IPO7: variants seen among roughly 807,000 people sequenced by gnomAD.
IPO7 encodes importin-7.
Under a neutral mutation model 136.4 loss-of-function variants are expected in IPO7, and 13 were observed. The observed-to-expected ratio is 0.10, with a 90% CI of 0.06 to 0.15. The LOEUF (loss-of-function observed/expected upper bound fraction) is 0.15. IPO7 is among the 10% of genes least tolerant of loss of function. IPO7 has a pLI of 1.00. For synonymous variants in IPO7, 403 were observed against 404.4 expected, an observed-to-expected ratio of 1.00 and a Z score of 0.04; for missense variants, 857 against 1,240.6, an observed-to-expected ratio of 0.69 and a Z score of 4.65.
In IPO7 at chr11:9,439,637, G is replaced by C. The variant is rs1252367411; in HGVS notation, c.2696-818G>C. ...TCTGTCGCCAAGCTGGAGTGCAATG[G>C]CAATCTTGGCTCACTGCAACCTCCG... is the stretch of plus-strand genomic sequence containing the variant. On this transcript the variant is annotated intron_variant, in intron 22 of 24. Transcript: ENST00000379719. Among the ~76,000 whole-genome samples the C allele has an allele frequency of 2.0e-5, 3 of 151,508 alleles. No homozygotes were observed. The East Asian group carries it at 5.8e-4, about 30-fold the overall frequency.
At chr11:9,437,600 A>G (rs1416548995) in intron 20 of IPO7, among the ~76,000 whole-genome samples, 154 bp from the exon 21 acceptor site, 2 of 152,216 alleles carry the variant, frequency 1.3e-5, no homozygotes, top group African/African-American at 2.4e-5. Context: ...GACTTTCTCT[A>G]AAATTAGATT....
At chr11:9,393,365 G>A (rs1854663215) in intron 1 of IPO7, among the ~76,000 whole-genome samples, 1 of 152,096 alleles carries the variant, frequency 6.6e-6, no homozygotes, top group Non-Finnish European at 1.5e-5. Context: ...CTTGTGGTTA[G>A]TGGTTAGTTT....
rs1395450768 is a variant in IPO7, at chr11:9,434,977, C to T, written c.2118C>T (p.Asp706=). ...LLHNYVTVDT[D]TLLSDTKYLE... ...ATAATTATGTAACAGTTGATACAGA[C>T]ACACTTCTGTCTGACACCAAGTATC... Residue 706 remains aspartate, a synonymous_variant, in exon 19 of 25, where the codon GAC becomes GAT. Coordinates refer to ENST00000379719, the MANE Select transcript of IPO7 (RefSeq NM_006391.3). 1.9e-6 allele frequency: 3 copies of T among 1,608,498 alleles called. No homozygotes were observed. Among genetic ancestry groups the T allele is most frequent in the East Asian group, 4.5e-5 (2 of 44,848 alleles).
At chr11:9,421,559 C>T (rs541339283) in intron 8 of IPO7, among the ~76,000 whole-genome samples, 3 of 149,428 alleles carry the variant, frequency 2.0e-5, no homozygotes, top group Admixed American at 1.3e-4. Flanking sequence ...ACCCAGGAGG[C>T]AGAGGTTGCA....
At chr11:9,414,644 T>TG (rs1387006425) in intron 5 of IPO7, 1 of 277,514 alleles carries the variant, frequency 3.6e-6, no homozygotes, top group Non-Finnish European at 6.5e-6. Context: ...TTTTTTTTTT[T>TG]TTGAGACTGT....
chr11:9,384,686 G>A lies in IPO7; in HGVS notation c.-78G>A. On this transcript the variant is annotated 5_prime_UTR_variant, in exon 1 of 25. Coordinates refer to ENST00000379719, the MANE Select transcript of IPO7 (RefSeq NM_006391.3). Reference sequence around the variant, plus strand: ...CCGGTTGCCGCTGCGGAGCGCGGCGGGTCCATGTGCGCAGTGAGTGGCGCT... The same window carrying A: ...CCGGTTGCCGCTGCGGAGCGCGGCGAGTCCATGTGCGCAGTGAGTGGCGCT... The A allele has an allele frequency of 1.7e-6, 2 of 1,201,632 alleles. No homozygotes were observed. Among genetic ancestry groups the A allele is most frequent in the Non-Finnish European group, 2.3e-6 (2 of 854,262 alleles). The allele number at this position is 1,201,632 out of a possible 1,614,324, so 74.4% of individuals were successfully genotyped here.
intron 1 of IPO7, among the ~76,000 whole-genome samples, chr11:9,389,881 C>T (rs959172290): frequency 1.3e-5 from 2 of 151,986 alleles, no homozygotes; most frequent in East Asian, 3.9e-4. Flanking sequence ...CTCAGCCTCC[C>T]GAGTAGCTGG....
Position 9,447,935 on chromosome 11 carries a change from T to A in IPO7, c.*2741T>A, listed in dbSNP as rs1481049397. On this transcript the variant is annotated 3_prime_UTR_variant, in exon 25 of 25. Transcript: ENST00000379719. The stretch of plus-strand genomic sequence containing the variant: ...CCACAGCCCTTGGGCCATATGCTGC[T>A]ATTCAGTCCCAGATGTAGCCCCTGA... 6 of 152,196 alleles carry A rather than the reference T, an allele frequency of 3.9e-5. No homozygotes were observed. The highest frequency in any genetic ancestry group is 8.8e-5 in the Non-Finnish European group (6 of 68,036). The allele number at this position is 152,196 out of a possible 1,614,324, so 9.4% of individuals were successfully genotyped here.
At position 9,384,750 on chromosome 11, in the gene IPO7, G is replaced by T; in HGVS notation, c.-14G>T. 1 of 1,588,054 alleles carries T rather than the reference G, an allele frequency of 6.3e-7. No homozygotes were observed. The highest frequency in any genetic ancestry group is 2.3e-5 in the East Asian group (1 of 43,190). ...TAGCACCCGAGCCCCGGGTTTGACC[G>T]AGTCCGCGCTGCGATGGACCCCAAC... On this transcript the variant is annotated 5_prime_UTR_variant, in exon 1 of 25. Coordinates refer to ENST00000379719, the MANE Select transcript of IPO7 (RefSeq NM_006391.3).
rs1003822693 is a variant in IPO7 at position 9,447,184 on chromosome 11, T to C, written c.*1990T>C. 12 of 152,236 alleles carry C rather than the reference T, an allele frequency of 7.9e-5. No homozygotes were observed. Among genetic ancestry groups the C allele is most frequent in the African/African-American group, 2.7e-4 (11 of 41,468 alleles). 9.4% of individuals were successfully genotyped at this position (152,236 alleles called of 1,614,324 possible). A position where few individuals can be genotyped will look rare whatever the true frequency, so the allele number is the denominator to read the frequency against. ...TCACTGCTTTTTGAATTCATAATTCTAATTTTCACATTATTGTTAATGGAA... is the reference window on the plus strand; with the variant it reads ...TCACTGCTTTTTGAATTCATAATTCCAATTTTCACATTATTGTTAATGGAA... On this transcript the variant is annotated 3_prime_UTR_variant, in exon 25 of 25. Coordinates refer to ENST00000379719, the MANE Select transcript of IPO7 (RefSeq NM_006391.3).
In IPO7 at chr11:9,430,795, T is replaced by C. The variant is rs935359740; in HGVS notation, c.1753-80T>C. 2.5e-5 allele frequency: 29 copies of C among 1,164,010 alleles called. No homozygotes were observed. The African/African-American group carries it at 3.7e-4, about 15-fold the overall frequency. 72.1% of individuals were successfully genotyped at this position (1,164,010 alleles called of 1,614,324 possible). On this transcript the variant is annotated intron_variant, in intron 15 of 24. Coordinates refer to ENST00000379719, the MANE Select transcript of IPO7 (RefSeq NM_006391.3). The stretch of plus-strand genomic sequence containing the variant: ...TGTTGTGGTATCCCAATGAGAACGT[T>C]CTAAGAATTAAAAGTCTTAGACCAA...
intron 2 of IPO7, among the ~76,000 whole-genome samples, chr11:9,407,479 A>G (rs1854903955): frequency 6.6e-6 from 1 of 152,042 alleles, no homozygotes; most frequent in African/African-American, 2.4e-5. Context: ...CGCTTGAACT[A>G]GGGAGTCAGA....
chr11:9,444,318 C>G (rs938123732), intron 24 of IPO7, among the ~76,000 whole-genome samples: 4 of 150,802 alleles, frequency 2.7e-5, no homozygotes, highest in Non-Finnish European at 3.0e-5. Flanking sequence ...AGGTTATACA[C>G]CATTGTTAAT....
intron 6 of IPO7, among the ~76,000 whole-genome samples, chr11:9,419,521 C>A (rs1855093467): frequency 7.2e-6 from 1 of 139,748 alleles, no homozygotes. Context: ...GCACTCCAGC[C>A]TGGCAACAGA....
In IPO7 at chr11:9,442,664, C is replaced by T. The variant is rs12098968; in HGVS notation, c.3019+467C>T. On this transcript the variant is annotated intron_variant, in intron 24 of 24. Transcript: ENST00000379719. Reference sequence around the variant, plus strand: ...TCCTGACCTCATGACCCGCCCGCCTCGGCCTCCCAAACTGCTGAGATTACA... The same window carrying T: ...TCCTGACCTCATGACCCGCCCGCCTTGGCCTCCCAAACTGCTGAGATTACA... Among the ~76,000 whole-genome samples the T allele has an allele frequency of 2.9e-3, 448 of 152,148 alleles. 2 individuals are homozygous for T. The highest frequency in any genetic ancestry group is 9.9e-3 in the African/African-American group (412 of 41,538).
chr11:9,407,396 A>G (rs1023296318), intron 2 of IPO7, among the ~76,000 whole-genome samples: 4 of 152,134 alleles, frequency 2.6e-5, no homozygotes, highest in African/African-American at 9.7e-5. Context: ...TCTACTAAAA[A>G]TACAAAAATT....
chr11:9,410,928 C>T (rs1487011028), intron 4 of IPO7, among the ~76,000 whole-genome samples: 1 of 152,174 alleles, frequency 6.6e-6, no homozygotes, highest in Non-Finnish European at 1.5e-5. Flanking sequence ...CTCCAATACC[C>T]TCTTTGGGTC....
chr11:9,438,322 T>C (rs1200111408), intron 22 of IPO7, 37 bp downstream of exon 22: 1 of 1,276,602 alleles, frequency 7.8e-7, no homozygotes, highest in Admixed American at 1.7e-5. Context: ...AAAACTTATC[T>C]ACTTAGAAAT....
At chr11:9,425,570 G>A (rs561314354) in intron 12 of IPO7, among the ~76,000 whole-genome samples, 2 of 152,126 alleles carry the variant, frequency 1.3e-5, no homozygotes, top group East Asian at 1.9e-4. Flanking sequence ...GTGAAACCCC[G>A]TCTCTACTAA....
Sources: gnomAD v4.1 joint callset for allele counts (sites outside exome capture counted in the v4.1 genomes callset) on GRCh38, gnomAD v4.1.1 for gene constraint, MANE v1.5 for transcripts, NCBI Gene and HGNC (gene_info 2026-07-23, HGNC 2026-07-21) for gene names.